The following CADPS2 variants were observed in gnomAD, a reference collection of about 807,000 sequenced individuals.
CADPS2 encodes calcium-dependent secretion activator 2.
In CADPS2, 93 loss-of-function variants were observed where a neutral mutation model predicts 172.5. The observed-to-expected ratio is 0.54, with a 90% CI of 0.46 to 0.64. CADPS2 has a LOEUF of 0.64. CADPS2 is among the 30% of genes least tolerant of loss of function. The probability of loss-of-function intolerance (pLI) is 0.00; values close to 1 mark genes in which losing one functional copy is unlikely to be tolerated. For missense variants in CADPS2, 1,420 were observed against 1,565.9 expected, an observed-to-expected ratio of 0.91 and a Z score of 1.57; for synonymous variants, 546 against 555.2, an observed-to-expected ratio of 0.98 and a Z score of 0.23.
intron 27 of CADPS2, among the ~76,000 whole-genome samples, chr7:122,346,974 C>T (rs1443752): frequency 0.13 from 19,894 of 152,152 alleles, 1,622 homozygotes; most frequent in Non-Finnish European, 0.18. Context: ...CTATCTATCA[C>T]TAGGTAGATC....
Position 122,791,043 on chromosome 7 carries a change from C to T in CADPS2, c.340-53975G>A, listed in dbSNP as rs1434334816. 2.0e-5 allele frequency among the ~76,000 whole-genome samples: 3 copies of T among 152,154 alleles called. No individual in the cohort carries two copies. In the East Asian group the frequency reaches 5.8e-4, roughly 29 times the overall value. On this transcript the variant is annotated intron_variant, in intron 1 of 29. Coordinates refer to ENST00000449022, the MANE Select transcript of CADPS2 (RefSeq NM_017954.11). ...AGAGTATGCACAGGCACATCAATTC[C>T]CCTAGCTGTCTGAATGTCTGTTCTT...
intron 2 of CADPS2, among the ~76,000 whole-genome samples, chr7:122,685,610 A>ATT (rs1426283647): frequency 2.0e-5 from 3 of 152,138 alleles, no homozygotes; most frequent in African/African-American, 7.2e-5. Flanking sequence ...CTTCTATTTA[A>ATT]AGCTGCATCT....
intron 1 of CADPS2, among the ~76,000 whole-genome samples, chr7:122,873,827 C>T (rs957038016): frequency 1.3e-5 from 2 of 152,182 alleles, no homozygotes; most frequent in African/African-American, 4.8e-5. Context: ...TCCTCTCCAA[C>T]ATCTATTGTT....
chr7:122,647,748 A>T (rs184656337), intron 3 of CADPS2, among the ~76,000 whole-genome samples: 15 of 152,336 alleles, frequency 9.8e-5, no homozygotes, highest in African/African-American at 3.4e-4. Flanking sequence ...AAATGCTTTA[A>T]AAAAAGCTTT....
chr7:122,565,428 C>A (rs1436484547), intron 7 of CADPS2, among the ~76,000 whole-genome samples: 3 of 152,088 alleles, frequency 2.0e-5, no homozygotes, highest in African/African-American at 7.2e-5. Flanking sequence ...AAGGTCAGGA[C>A]ATGGAATGAT....
intron 28 of CADPS2, among the ~76,000 whole-genome samples, chr7:122,344,322 G>A (rs549533627): frequency 2.0e-5 from 3 of 152,294 alleles, no homozygotes; most frequent in East Asian, 3.9e-4. Flanking sequence ...CTGTATTGTG[G>A]TGAATTATGC....
At chr7:122,862,192 C>T (rs931216304) in intron 1 of CADPS2, among the ~76,000 whole-genome samples, 11 of 152,236 alleles carry the variant, frequency 7.2e-5, no homozygotes, top group African/African-American at 2.7e-4. Context: ...GGAGAGATTA[C>T]TGCTGTACTT....
rs534147181 is a variant in CADPS2, at chr7:122,557,540, G to C, written c.1336-2851C>G. ...TTGGATTTATCCTGAGGCAGAATGGGGAGGGAAGATGTCGTAGGCAGTTAC... is the reference window on the plus strand; with the variant it reads ...TTGGATTTATCCTGAGGCAGAATGGCGAGGGAAGATGTCGTAGGCAGTTAC... On this transcript the variant is annotated intron_variant, in intron 7 of 29. Transcript: ENST00000449022. 3.3e-5 allele frequency among the ~76,000 whole-genome samples: 5 copies of C among 152,256 alleles called. No homozygotes were observed. The East Asian group carries it at 7.7e-4, about 24-fold the overall frequency.
chr7:122,849,517 C>A (rs891776961), intron 1 of CADPS2, among the ~76,000 whole-genome samples: 1 of 152,154 alleles, frequency 6.6e-6, no homozygotes, highest in Non-Finnish European at 1.5e-5. Context: ...TCAGTCTCTG[C>A]GGTCCCCAGC....
At chr7:122,881,231 C>A (rs1189157555) in intron 1 of CADPS2, among the ~76,000 whole-genome samples, 3 of 152,160 alleles carry the variant, frequency 2.0e-5, no homozygotes, top group Non-Finnish European at 4.4e-5. Flanking sequence ...GGAAAACACA[C>A]CATTAAAATA....
chr7:122,801,319 T>C (rs888549227), intron 1 of CADPS2, among the ~76,000 whole-genome samples: 2 of 152,130 alleles, frequency 1.3e-5, no homozygotes, highest in African/African-American at 2.4e-5. Context: ...ATACCAGATA[T>C]GCTTAAGTGG....
chr7:122,599,666 T>C (rs993693011), intron 6 of CADPS2, among the ~76,000 whole-genome samples: 1 of 152,222 alleles, frequency 6.6e-6, no homozygotes, highest in East Asian at 1.9e-4. Flanking sequence ...TTGTCAACCG[T>C]AGAATTTATT....
At position 122,320,052 on chromosome 7, in the gene CADPS2, A is replaced by G; in HGVS notation, c.*113T>C. 1 of 1,087,468 alleles carries G rather than the reference A, an allele frequency of 9.2e-7. No homozygotes were observed. The highest frequency in any genetic ancestry group is 1.2e-6 in the Non-Finnish European group (1 of 819,158). The allele number at this position is 1,087,468 out of a possible 1,614,324, so 67.4% of individuals were successfully genotyped here. ...TCAGGCTTACTTTTTAAAGAAATACAAGCATTTTTATTTGGCCAAAACAAA... is the reference window on the plus strand; with the variant it reads ...TCAGGCTTACTTTTTAAAGAAATACGAGCATTTTTATTTGGCCAAAACAAA... On this transcript the variant is annotated 3_prime_UTR_variant, in exon 30 of 30. Transcript: ENST00000449022.
Position 122,332,443 on chromosome 7 carries a change from G to C in CADPS2, c.3613-6862C>G, listed in dbSNP as rs182601795. On this transcript the variant is annotated intron_variant, in intron 28 of 29. Transcript: ENST00000449022. ...AACAGAGAAGCATGTGATTCATGCT[G>C]CTTTTTTCCATGTTGAATAAAGTCA... Among the ~76,000 whole-genome samples, 9 of 138,180 alleles carry C rather than the reference G, an allele frequency of 6.5e-5. No homozygotes were observed. The East Asian group carries it at 1.9e-3, about 30-fold the overall frequency. The allele number at this position is 138,180 out of a possible 152,430, so 90.7% of individuals were successfully genotyped here. A position where few individuals can be genotyped will look rare whatever the true frequency, so the allele number is the denominator to read the frequency against.
At chr7:122,841,809 A>G (rs1390514362) in intron 1 of CADPS2, among the ~76,000 whole-genome samples, 3 of 151,660 alleles carry the variant, frequency 2.0e-5, no homozygotes, top group African/African-American at 7.2e-5. Flanking sequence ...CAATACAATA[A>G]AAGTTTAGTA....
intron 13 of CADPS2, among the ~76,000 whole-genome samples, chr7:122,472,527 A>G (rs567773313): frequency 6.6e-6 from 1 of 152,282 alleles, no homozygotes; most frequent in African/African-American, 2.4e-5. Flanking sequence ...CCTCCAAAAC[A>G]CTTTCTAGGC....
intron 7 of CADPS2, among the ~76,000 whole-genome samples, chr7:122,567,472 C>A (rs1394670363): frequency 6.6e-6 from 1 of 152,176 alleles, no homozygotes; most frequent in African/African-American, 2.4e-5. Flanking sequence ...CCTGAACATC[C>A]CCTTTTTTTC....
intron 28 of CADPS2, among the ~76,000 whole-genome samples, chr7:122,343,672 T>C (rs968639793): frequency 5.9e-5 from 9 of 152,356 alleles, no homozygotes; most frequent in East Asian, 1.9e-4. Context: ...GGTCTACTTA[T>C]AGAATGGCTT....
At chr7:122,516,237 T>C (rs2060365236) in intron 8 of CADPS2, among the ~76,000 whole-genome samples, 1 of 152,100 alleles carries the variant, frequency 6.6e-6, no homozygotes, top group Non-Finnish European at 1.5e-5. Flanking sequence ...AGAAACACAT[T>C]GAAAAATGAG....
Sources: gnomAD v4.1 joint callset for allele counts (sites outside exome capture counted in the v4.1 genomes callset) on GRCh38, gnomAD v4.1.1 for gene constraint, MANE v1.5 for transcripts, NCBI Gene and HGNC (gene_info 2026-07-23, HGNC 2026-07-21) for gene names.